Variants in C1orf21 observed in about 807,000 individuals in gnomAD.
C1orf21 encodes chromosome 1 open reading frame 21, also known as uncharacterized protein C1orf21.
C1orf21 carries 3 observed loss-of-function variants against 18.7 expected under a neutral mutation model. That is an observed-to-expected ratio of 0.16 (90% confidence interval 0.07 to 0.42). The LOEUF (loss-of-function observed/expected upper bound fraction) is 0.42, where lower values mean the gene tolerates loss of function less well. Ranked by LOEUF, C1orf21 falls within the 10% of genes least tolerant of loss-of-function variation. The pLI is 0.99. For synonymous variants in C1orf21, 41 were observed against 46.4 expected, an observed-to-expected ratio of 0.88 and a Z score of 0.47; for missense variants, 104 against 143.6, an observed-to-expected ratio of 0.72 and a Z score of 1.41.
At chr1:184,497,224 A>G (rs1307215741) in intron 2 of C1orf21, among the ~76,000 whole-genome samples, 4 of 152,248 alleles carry the variant, frequency 2.6e-5, no homozygotes, top group African/African-American at 9.6e-5. Flanking sequence ...TAGTGTGTTC[A>G]TATTTACTGT....
At chr1:184,450,546 T>C (rs1442085841) in intron 1 of C1orf21, among the ~76,000 whole-genome samples, 1 of 152,182 alleles carries the variant, frequency 6.6e-6, no homozygotes, top group African/African-American at 2.4e-5. Flanking sequence ...GATACCAACC[T>C]TGTAGGTTTT....
chr1:184,612,916 ACT>A (rs1324174964), intron 5 of C1orf21, among the ~76,000 whole-genome samples: 3 of 151,720 alleles, frequency 2.0e-5, no homozygotes, highest in Non-Finnish European at 4.4e-5. Context: ...TACTGTTGTT[ACT>A]CTCTTGCTGT....
intron 1 of C1orf21, among the ~76,000 whole-genome samples, chr1:184,406,505 G>T (rs991223355): frequency 1.3e-5 from 2 of 152,158 alleles, no homozygotes; most frequent in Non-Finnish European, 2.9e-5. Context: ...ATCATAACTG[G>T]GAGGGGGAGG....
chr1:184,563,525 T>G (rs1658994412), intron 3 of C1orf21, among the ~76,000 whole-genome samples: 1 of 152,192 alleles, frequency 6.6e-6, no homozygotes, highest in Admixed American at 6.5e-5. Flanking sequence ...CATACATAAT[T>G]TCAGGCCGTC....
chr1:184,560,872 G>A (rs1658954583), intron 3 of C1orf21, among the ~76,000 whole-genome samples: 1 of 152,182 alleles, frequency 6.6e-6, no homozygotes, highest in Admixed American at 6.5e-5. Flanking sequence ...ACTAATGGCA[G>A]CTCTGAAATT....
chr1:184,447,488 T>C (rs1453687648), intron 1 of C1orf21, among the ~76,000 whole-genome samples: 1 of 152,200 alleles, frequency 6.6e-6, no homozygotes, highest in Non-Finnish European at 1.5e-5. Context: ...CCCTATTCAT[T>C]CGTCTACTCT....
chr1:184,545,445 A>G (rs901562745), intron 3 of C1orf21, among the ~76,000 whole-genome samples: 2 of 152,162 alleles, frequency 1.3e-5, no homozygotes, highest in Non-Finnish European at 2.9e-5. Flanking sequence ...TTCTAGAATG[A>G]AAAAGTGTTT....
intron 2 of C1orf21, among the ~76,000 whole-genome samples, chr1:184,507,142 G>A (rs890532996): frequency 6.6e-6 from 1 of 151,822 alleles, no homozygotes. Flanking sequence ...TTTTCAAAAG[G>A]GAAATTAAAG....
intron 1 of C1orf21, among the ~76,000 whole-genome samples, chr1:184,422,953 G>C (rs1213782786): frequency 6.6e-6 from 1 of 152,174 alleles, no homozygotes; most frequent in South Asian, 2.1e-4. Context: ...TGGTTCATAC[G>C]CAAGACGTTA....
chr1:184,404,625 G>A (rs1284118997), intron 1 of C1orf21, among the ~76,000 whole-genome samples: 6 of 152,156 alleles, frequency 3.9e-5, no homozygotes, highest in African/African-American at 1.2e-4. Flanking sequence ...AGTTACCATA[G>A]CAATTCAATT....
chr1:184,595,523 G>T (rs1351841233), intron 4 of C1orf21, among the ~76,000 whole-genome samples: 1 of 152,118 alleles, frequency 6.6e-6, no homozygotes. Context: ...ATCTAGACAG[G>T]AATCAGTTGA....
At chr1:184,577,953 G>GTTTTTTTTTTTTTTTTTT (rs1257021237) in intron 3 of C1orf21, among the ~76,000 whole-genome samples, 2 of 108,938 alleles carry the variant, frequency 1.8e-5, no homozygotes, top group Non-Finnish European at 3.8e-5. Context: ...TTTTGTTTTT[G>GTTTTTTTTTTTTTTTTTT]TTTTTTTTTT....
At chr1:184,441,012 A>G (rs34591137) in intron 1 of C1orf21, among the ~76,000 whole-genome samples, 7,659 of 152,294 alleles carry the variant, frequency 0.05, 288 homozygotes, top group Non-Finnish European at 0.071. Flanking sequence ...CTAATGTCCT[A>G]GAAGTAAACT....
rs142077010 is a variant in C1orf21, at chr1:184,559,053, T to C, written c.190-31686T>C. Among the ~76,000 whole-genome samples the C allele has an allele frequency of 1.2e-3, 180 of 152,328 alleles. 2 individuals carry two copies. The highest frequency in any genetic ancestry group is 7.3e-3 in the South Asian group (35 of 4,824). On this transcript the variant is annotated intron_variant, in intron 3 of 5. Coordinates refer to ENST00000235307, the MANE Select transcript of C1orf21 (RefSeq NM_030806.4). ...AGTTTCCTTGACTGTAAAATGTGGA[T>C]AGGGAGTCCATCCCCAGTATGTACT...
Position 184,445,800 on chromosome 1 carries a change from AAT to A in C1orf21, c.-124-31585_-124-31584del, listed in dbSNP as rs371883965. ...TGAAAGTTTTAGTTCCTATGAAAAA[AAT>A]GTTACATAGGGATAATGGTGAAGAT... On this transcript the variant is annotated intron_variant, in intron 1 of 5. Coordinates refer to ENST00000235307, the MANE Select transcript of C1orf21 (RefSeq NM_030806.4). Among the ~76,000 whole-genome samples, 445 of 152,282 alleles carry A rather than the reference AAT, an allele frequency of 2.9e-3. 1 individual carries two copies. Among genetic ancestry groups the A allele is most frequent in the African/African-American group, 6.9e-3 (285 of 41,576 alleles).
At chr1:184,505,306 A>AATATAT (rs59445875) in intron 2 of C1orf21, among the ~76,000 whole-genome samples, 5,615 of 65,634 alleles carry the variant, frequency 0.086, 237 homozygotes, top group Admixed American at 0.098. Flanking sequence ...TACATAAAGA[A>AATATAT]ATATATATAT....
intron 3 of C1orf21, among the ~76,000 whole-genome samples, chr1:184,573,014 G>A (rs1659135506): frequency 6.6e-6 from 1 of 151,494 alleles, no homozygotes; most frequent in South Asian, 2.1e-4. Context: ...GTCTCATGGT[G>A]TAGGCACTCT....
At chr1:184,568,792 C>T (rs1199687897) in intron 3 of C1orf21, among the ~76,000 whole-genome samples, 1 of 152,206 alleles carries the variant, frequency 6.6e-6, no homozygotes, top group Non-Finnish European at 1.5e-5. Flanking sequence ...GATGGTCCTC[C>T]ATTCTTGTGC....
At chr1:184,475,573 G>A (rs1657556679) in intron 1 of C1orf21, among the ~76,000 whole-genome samples, 1 of 152,074 alleles carries the variant, frequency 6.6e-6, no homozygotes, top group Admixed American at 6.6e-5. Flanking sequence ...AGATTCCTGT[G>A]AAACCACAAT....
Sources: allele counts gnomAD v4.1 joint callset (sites outside exome capture counted in the v4.1 genomes callset), GRCh38; gene constraint gnomAD v4.1.1; transcripts MANE v1.5; gene names NCBI Gene and HGNC (gene_info 2026-07-23, HGNC 2026-07-21).